Variants in CLMN observed in about 807,000 individuals in gnomAD.
CLMN encodes the protein calmin.
CLMN carries 57 observed loss-of-function variants against 92.7 expected under a neutral mutation model. That is an observed-to-expected ratio of 0.61 (90% CI 0.50 to 0.77). The LOEUF (loss-of-function observed/expected upper bound fraction) is 0.77. CLMN is among the 30% of genes least tolerant of loss of function. CLMN has a pLI of 0.00. For missense variants in CLMN, 1,158 were observed against 1,237.5 expected (o/e 0.94, Z 0.96); for synonymous variants, 466 against 470.6 (o/e 0.99, Z 0.13).
chr14:95,276,866 T>C (rs905758082), intron 1 of CLMN, among the ~76,000 whole-genome samples: 2 of 152,218 alleles, frequency 1.3e-5, no homozygotes, highest in East Asian at 1.9e-4. Context: ...GTTAATTCAG[T>C]TCCTCCACGC....
intron 8 of CLMN, among the ~76,000 whole-genome samples, chr14:95,205,760 T>C (rs1187613): frequency 0.29 from 43,490 of 152,036 alleles, 7,783 homozygotes; most frequent in African/African-American, 0.5. Context: ...TAAGCTGATG[T>C]ATGTTAAAGA....
chr14:95,205,703 A>G (rs1309322656), intron 8 of CLMN, among the ~76,000 whole-genome samples: 2 of 152,088 alleles, frequency 1.3e-5, no homozygotes, highest in African/African-American at 4.8e-5. Context: ...AATATATACA[A>G]ATATGTAAAA....
chr14:95,295,081 ACAGCCTCTGCAT>A (rs1174504466), intron 1 of CLMN, among the ~76,000 whole-genome samples: 1 of 152,088 alleles, frequency 6.6e-6, no homozygotes, highest in Non-Finnish European at 1.5e-5. Context: ...ATCTCTGTAA[ACAGCCTCTGCAT>A]CAAACCCTCT....
intron 1 of CLMN, among the ~76,000 whole-genome samples, chr14:95,233,008 G>A (rs1897937856): frequency 6.6e-6 from 1 of 152,146 alleles, no homozygotes; most frequent in Admixed American, 6.6e-5. Context: ...TTAGTGGTAG[G>A]CACATTAAAA....
intron 2 of CLMN, among the ~76,000 whole-genome samples, chr14:95,225,638 T>C (rs1244120689): frequency 6.6e-6 from 1 of 152,236 alleles, no homozygotes; most frequent in African/African-American, 2.4e-5. Context: ...TGAACGGCTC[T>C]TGAAACACCT....
intron 1 of CLMN, among the ~76,000 whole-genome samples, chr14:95,236,597 G>A (rs542727991): frequency 4.8e-4 from 73 of 152,266 alleles, no homozygotes; most frequent in East Asian, 3.9e-4. Context: ...ACAATGACCC[G>A]GCTCAGAGTG....
rs139154234 is a variant in CLMN, at chr14:95,204,412, G to A, written c.937C>T (p.Arg313Cys). Residue 313 changes from arginine to cysteine, a missense_variant, in exon 9 of 13, where the codon CGC becomes TGC. Transcript: ENST00000298912. ...TGTTCAGAAGGAGTTTCTTTGATGC[G>A]AACAAAAGTGGATTCGATAGGAACT... ...KEVPIESTFV[R>C]IKETPSEQES... 54 of 1,606,854 alleles carry A rather than the reference G, an allele frequency of 3.4e-5. No individual in the cohort carries two copies. Among genetic ancestry groups the A allele is most frequent in the Non-Finnish European group, 4.2e-5 (50 of 1,177,424 alleles).
intron 1 of CLMN, among the ~76,000 whole-genome samples, chr14:95,265,554 C>T (rs2140710057): frequency 6.6e-6 from 1 of 152,334 alleles, no homozygotes; most frequent in African/African-American, 2.4e-5. Flanking sequence ...GACTAATATG[C>T]ATAGGTATGA....
Position 95,191,466 on chromosome 14 carries a change from A to G in CLMN, c.*98T>C. On this transcript the variant is annotated 3_prime_UTR_variant, in exon 13 of 13. Coordinates refer to ENST00000298912, the MANE Select transcript of CLMN (RefSeq NM_024734.4). The surrounding 1 kb of genome is among the most constrained non-coding windows in gnomAD (Gnocchi z 5.3). ...GGTCTAAGTTTCCTCGGAGGTCCTC[A>G]ACTGTCTGTAGAAGTGCCCCACCCA... The G allele has an allele frequency of 3.2e-6, 3 of 947,392 alleles. No individual in the cohort carries two copies. Among genetic ancestry groups the G allele is most frequent in the Non-Finnish European group, 4.4e-6 (3 of 675,380 alleles). 58.7% of individuals were successfully genotyped at this position (947,392 alleles called of 1,614,324 possible). A position where few individuals can be genotyped will look rare whatever the true frequency, so the allele number is the denominator to read the frequency against.
intron 1 of CLMN, among the ~76,000 whole-genome samples, chr14:95,261,043 T>C (rs1160864740): frequency 1.3e-5 from 2 of 152,216 alleles, no homozygotes; most frequent in South Asian, 2.1e-4. Context: ...ACTGAACTCA[T>C]GGCCAACAGC....
In CLMN at chr14:95,244,842, A is replaced by G. The variant is rs145347942; in HGVS notation, c.83-14709T>C. Among the ~76,000 whole-genome samples, 13 of 151,892 alleles carry G rather than the reference A, an allele frequency of 8.6e-5. No homozygotes were observed. The East Asian group carries it at 2.4e-3, about 28-fold the overall frequency. ...GGGATCACTAACAGATCCCCTTCCA[A>G]TGGGGGCTGCTGCAAATATTCAGGA... is the stretch of plus-strand genomic sequence containing the variant. On this transcript the variant is annotated intron_variant, in intron 1 of 12. Transcript: ENST00000298912.
intron 1 of CLMN, among the ~76,000 whole-genome samples, chr14:95,239,740 T>A (rs1196993637): frequency 1.3e-5 from 2 of 152,224 alleles, no homozygotes; most frequent in African/African-American, 2.4e-5. Flanking sequence ...AGAAATTGGT[T>A]TAACTTTGTT....
chr14:95,203,928 T>C lies in CLMN; in HGVS notation c.1421A>G (p.Gln474Arg), dbSNP rs916217510. 6.2e-7 allele frequency: 1 copy of C among 1,614,232 alleles called. No homozygotes were observed. Among genetic ancestry groups the C allele is most frequent in the Non-Finnish European group, 8.5e-7 (1 of 1,180,050 alleles). ...LAVEVAEEKE[Q>R]KQESSKIPES... ...TGGAATCTTCGAGGATTCCTGTTTCTGTTCCTTTTCCTCAGCAACCTCAAC... is the reference window on the plus strand; with the variant it reads ...TGGAATCTTCGAGGATTCCTGTTTCCGTTCCTTTTCCTCAGCAACCTCAAC... Residue 474 changes from glutamine to arginine, a missense_variant, in exon 9 of 13, where the codon CAG (glutamine) becomes CGG (arginine). Gln to Arg is a conservative substitution (Grantham distance 43). Coordinates refer to ENST00000298912, the MANE Select transcript of CLMN (RefSeq NM_024734.4).
chr14:95,308,758 A>G (rs1232872570), intron 1 of CLMN, among the ~76,000 whole-genome samples: 2 of 152,198 alleles, frequency 1.3e-5, no homozygotes, highest in African/African-American at 2.4e-5. Context: ...ATATTGTAAC[A>G]GCAACAATAC....
intron 3 of CLMN, 64 bp from the exon 4 acceptor site, chr14:95,221,838 C>T (rs537538722): frequency 2.0e-4 from 290 of 1,470,192 alleles, no homozygotes; most frequent in Non-Finnish European, 2.2e-4. Flanking sequence ...CAACACCCAG[C>T]GGTGCTGCTG....
chr14:95,270,015 C>T (rs1350567218), intron 1 of CLMN, among the ~76,000 whole-genome samples: 1 of 152,164 alleles, frequency 6.6e-6, no homozygotes, highest in East Asian at 1.9e-4. Context: ...TAACAACACA[C>T]TTCCATTTTA....
intron 1 of CLMN, among the ~76,000 whole-genome samples, chr14:95,317,869 T>A (rs766202618): frequency 1.2e-4 from 18 of 152,228 alleles, no homozygotes; most frequent in Admixed American, 3.9e-4. Flanking sequence ...TTTAAAAATT[T>A]ATTTTTTTAA....
intron 1 of CLMN, among the ~76,000 whole-genome samples, chr14:95,244,791 TATCACTAACAGATCCCCTTCCAATGGGG>T (rs1292494964): frequency 8.5e-5 from 13 of 152,068 alleles, no homozygotes; most frequent in African/African-American, 1.9e-4. Context: ...GGACATATCA[TATCACTAACAGATCCCCTTCCAATGGGG>T]ATCACTAACA....
intron 1 of CLMN, among the ~76,000 whole-genome samples, chr14:95,304,159 G>A (rs1307068428): frequency 6.6e-6 from 1 of 152,078 alleles, no homozygotes; most frequent in African/African-American, 2.4e-5. Flanking sequence ...GCAACATAGT[G>A]AGACTTTGTC....
Sources: allele counts gnomAD v4.1 joint callset (sites outside exome capture counted in the v4.1 genomes callset), GRCh38; gene constraint gnomAD v4.1.1; non-coding constraint Gnocchi (gnomAD v3.1); transcripts MANE v1.5; gene names NCBI Gene and HGNC (gene_info 2026-07-23, HGNC 2026-07-21).